Variants in ZSWIM6 observed in about 807,000 individuals in gnomAD.
ZSWIM6 encodes the protein zinc finger SWIM-type containing 6.
In ZSWIM6, 9 loss-of-function variants were observed where a neutral mutation model predicts 113.2. The observed-to-expected ratio is 0.08, with a 90% confidence interval of 0.05 to 0.14. The LOEUF (loss-of-function observed/expected upper bound fraction) is 0.14. Ranked by LOEUF, ZSWIM6 falls within the 10% of genes least tolerant of loss-of-function variation. ZSWIM6 has a pLI of 1.00. For missense variants in ZSWIM6, 1,162 were observed against 1,552.2 expected (o/e 0.75, Z 4.22); for synonymous variants, 611 against 606.5 (o/e 1.01, Z -0.11).
At chr5:61,360,202 G>T (rs779561957) in intron 1 of ZSWIM6, among the ~76,000 whole-genome samples, 56 of 150,768 alleles carry the variant, frequency 3.7e-4, no homozygotes, top group Non-Finnish European at 6.2e-4. Flanking sequence ...ATCTGTTGCT[G>T]CTGTTGGAGG....
rs145474227 is a variant in ZSWIM6 at position 61,435,828 on chromosome 5, A to C, written c.677-36853A>C. ...TTTTTGAAATCTGATTTAAGGTGGG[A>C]TATCACCAGTTAAAAATTATTTTCT... On this transcript the variant is annotated intron_variant, in intron 1 of 13. Transcript: ENST00000252744. 2.2e-4 allele frequency among the ~76,000 whole-genome samples: 34 copies of C among 152,234 alleles called. No homozygotes were observed. The East Asian group carries it at 6.4e-3, about 28-fold the overall frequency.
chr5:61,466,108 A>T (rs1747429324), intron 1 of ZSWIM6, among the ~76,000 whole-genome samples: 1 of 152,166 alleles, frequency 6.6e-6, no homozygotes, highest in African/African-American at 2.4e-5. Flanking sequence ...TGGAAATTGT[A>T]CATGATTTAC....
Position 61,539,694 on chromosome 5 carries a change from G to A in ZSWIM6, c.2638G>A (p.Ala880Thr), listed in dbSNP as rs1301328030. 6.4e-7 allele frequency: 1 copy of A among 1,551,852 alleles called. No homozygotes were observed. Among genetic ancestry groups the A allele is most frequent in the South Asian group, 1.2e-5 (1 of 84,054 alleles). ...FKLAQDAFKI[A>T]TLMDSLPDIT... is the part of the protein sequence containing the mutation. ...GCTTGCCCAAGATGCATTTAAAATA[G>A]CAACTCTCATGGACAGTTTGCCAGA... The change falls in exon 12 of 14, where the codon GCA becomes ACA. Residue 880 changes from alanine (A) to threonine (T), a missense_variant. By Grantham distance (58) the Ala-to-Thr change is moderately conservative. Around this residue, in one of 4 missense-constraint regions of ZSWIM6, gnomAD observed 620 missense variants for 804.6 expected, o/e 0.77. Transcript: ENST00000252744.
intron 1 of ZSWIM6, among the ~76,000 whole-genome samples, chr5:61,333,312 C>A (rs1183816821): frequency 6.6e-6 from 1 of 151,378 alleles, no homozygotes; most frequent in Non-Finnish European, 1.5e-5. Flanking sequence ...GACGGCCGGC[C>A]TCCGGCGAGG....
At chr5:61,508,110 G>A (rs1748675718) in intron 4 of ZSWIM6, among the ~76,000 whole-genome samples, 1 of 152,046 alleles carries the variant, frequency 6.6e-6, no homozygotes, top group African/African-American at 2.4e-5. Flanking sequence ...TTCATGTGAG[G>A]GTGAAATGTG....
intron 1 of ZSWIM6, among the ~76,000 whole-genome samples, chr5:61,454,283 G>A (rs928592225): frequency 1.5e-5 from 2 of 134,420 alleles, no homozygotes; most frequent in African/African-American, 5.8e-5. Context: ...TTTGAGACGA[G>A]TCCTCACTCT....
intron 1 of ZSWIM6, among the ~76,000 whole-genome samples, chr5:61,425,346 G>A (rs1441154970): frequency 6.6e-6 from 1 of 152,156 alleles, no homozygotes; most frequent in Non-Finnish European, 1.5e-5. Flanking sequence ...GAATAAATTG[G>A]CATTTGTAAA....
chr5:61,348,264 G>A (rs1399488236), intron 1 of ZSWIM6, among the ~76,000 whole-genome samples: 1 of 152,044 alleles, frequency 6.6e-6, no homozygotes, highest in Admixed American at 6.6e-5. Flanking sequence ...AATGTAGTTT[G>A]TATTTTTAAA....
intron 4 of ZSWIM6, among the ~76,000 whole-genome samples, chr5:61,506,348 C>T (rs181567867): frequency 0.011 from 1,647 of 152,116 alleles, 12 homozygotes; most frequent in Non-Finnish European, 0.017. Context: ...TTTGGGAGGC[C>T]GAGGCGGGTG....
chr5:61,492,096 A>G (rs1297442272), intron 3 of ZSWIM6, among the ~76,000 whole-genome samples: 2 of 152,110 alleles, frequency 1.3e-5, no homozygotes, highest in African/African-American at 4.8e-5. Context: ...ATAGATGTAC[A>G]TGAGTGCTGG....
chr5:61,442,357 A>G (rs1045088303), intron 1 of ZSWIM6, among the ~76,000 whole-genome samples: 4 of 152,166 alleles, frequency 2.6e-5, no homozygotes, highest in Admixed American at 1.3e-4. Context: ...TGATCAATTC[A>G]TCATTCATAG....
At chr5:61,440,411 T>G (rs906498781) in intron 1 of ZSWIM6, among the ~76,000 whole-genome samples, 2 of 149,126 alleles carry the variant, frequency 1.3e-5, no homozygotes, top group Non-Finnish European at 3.0e-5. Flanking sequence ...GGTGAAGTGC[T>G]AACTCTTCAT....
chr5:61,333,093 C>A (rs1561194544), intron 1 of ZSWIM6, 145 bp downstream of exon 1: 2 of 932,848 alleles, frequency 2.1e-6, no homozygotes, highest in Non-Finnish European at 1.3e-6. Flanking sequence ...GGACGGTCCT[C>A]CTGAGCGGAG....
At chr5:61,519,463 C>T (rs1169339937) in intron 4 of ZSWIM6, among the ~76,000 whole-genome samples, 1 of 152,126 alleles carries the variant, frequency 6.6e-6, no homozygotes, top group Non-Finnish European at 1.5e-5. Context: ...GCAAGTCACC[C>T]CCATCAGGAT....
chr5:61,353,411 C>T (rs1413952014), intron 1 of ZSWIM6, among the ~76,000 whole-genome samples: 1 of 152,106 alleles, frequency 6.6e-6, no homozygotes, highest in Non-Finnish European at 1.5e-5. Flanking sequence ...TCTGGGAAGT[C>T]TGTGCTGGAC....
chr5:61,404,168 C>T (rs1309127040), intron 1 of ZSWIM6, among the ~76,000 whole-genome samples: 4 of 152,234 alleles, frequency 2.6e-5, no homozygotes, highest in East Asian at 1.9e-4. Context: ...CCACCACGCC[C>T]GGCTAATTTT....
chr5:61,368,787 A>C (rs950798278), intron 1 of ZSWIM6, among the ~76,000 whole-genome samples: 4 of 152,190 alleles, frequency 2.6e-5, no homozygotes, highest in African/African-American at 9.7e-5. Context: ...CAGCTCTCTG[A>C]TGGAGATCTG....
At chr5:61,423,126 G>A (rs1056253261) in intron 1 of ZSWIM6, among the ~76,000 whole-genome samples, 1 of 152,054 alleles carries the variant, frequency 6.6e-6, no homozygotes, top group Admixed American at 6.6e-5. Flanking sequence ...AGTGGTGAGG[G>A]CCAGGCGCAG....
At chr5:61,400,759 T>C (rs1258720782) in intron 1 of ZSWIM6, among the ~76,000 whole-genome samples, 1 of 152,200 alleles carries the variant, frequency 6.6e-6, no homozygotes, top group East Asian at 1.9e-4. Flanking sequence ...GTCTCCTTAT[T>C]ATCCTTACTG....
Sources: gnomAD v4.1 joint callset for allele counts (sites outside exome capture counted in the v4.1 genomes callset) on GRCh38, gnomAD v4.1.1 for gene constraint, gnomAD v4.1.1 regional missense constraint, MANE v1.5 for transcripts, NCBI Gene and HGNC (gene_info 2026-07-23, HGNC 2026-07-21) for gene names.